Variants in ABLIM2 observed in about 807,000 individuals in gnomAD.
ABLIM2 encodes the protein actin binding LIM protein family member 2.
ABLIM2 carries 53 observed loss-of-function variants against 97.7 expected under a neutral mutation model. The ratio of observed to expected loss-of-function variants is 0.54; its 90% CI spans 0.44 to 0.68. The LOEUF (loss-of-function observed/expected upper bound fraction) is 0.68, where lower values mean the gene tolerates loss of function less well. Among genes scored for constraint, ABLIM2 ranks in the 30% least tolerant of loss-of-function variants. ABLIM2 has a pLI of 0.00. For missense variants in ABLIM2, 835 were observed against 867.2 expected (o/e 0.96, Z 0.47); for synonymous variants, 361 against 345.8 (o/e 1.04, Z -0.49).
chr4:8,000,491 G>A (rs1366313382), intron 16 of ABLIM2, among the ~76,000 whole-genome samples: 3 of 151,820 alleles, frequency 2.0e-5, no homozygotes, highest in Admixed American at 6.6e-5. Flanking sequence ...GTGGACTAGC[G>A]CCCGCATGCA....
At chr4:8,133,574 A>C (rs1407556170) in intron 1 of ABLIM2, among the ~76,000 whole-genome samples, 1 of 152,112 alleles carries the variant, frequency 6.6e-6, no homozygotes, top group Non-Finnish European at 1.5e-5. Flanking sequence ...CCAGGTTGAG[A>C]GCAAACCCCT....
intron 1 of ABLIM2, among the ~76,000 whole-genome samples, chr4:8,136,797 C>T (rs2152938816): frequency 6.6e-6 from 1 of 152,378 alleles, no homozygotes; most frequent in East Asian, 1.9e-4. Context: ...GCCTCGGGTC[C>T]AGCTGCAACC....
Position 8,095,044 on chromosome 4 carries a change from C to T in ABLIM2, c.338+2055G>A, listed in dbSNP as rs1830791709. Among the ~76,000 whole-genome samples the T allele has an allele frequency of 7.4e-6, 1 of 134,712 alleles. No homozygotes were observed. Among genetic ancestry groups the T allele is most frequent in the African/African-American group, 2.7e-5 (1 of 37,732 alleles). 88.4% of individuals were successfully genotyped at this position (134,712 alleles called of 152,430 possible). On this transcript the variant is annotated intron_variant, in intron 3 of 20. Transcript: ENST00000447017. The surrounding 1 kb of genome is among the most constrained non-coding windows in gnomAD (Gnocchi z 4.7). ...TCTCCCCCCACTTCTTTCCTTCCTT[C>T]CTTCTTTCTTTCTTTCTCTTTCTTT...
chr4:8,000,481 G>T (rs1449599653), intron 16 of ABLIM2, among the ~76,000 whole-genome samples: 4 of 152,116 alleles, frequency 2.6e-5, no homozygotes, highest in Non-Finnish European at 5.9e-5. Flanking sequence ...TGAATCATGG[G>T]TGGACTAGCG....
chr4:8,144,193 C>G (rs9996087), intron 1 of ABLIM2, among the ~76,000 whole-genome samples: 36,467 of 152,174 alleles, frequency 0.24, 5,933 homozygotes, highest in African/African-American at 0.46. Context: ...AGAGCCTCAG[C>G]GGGGAAGCAG....
chr4:8,130,864 T>A lies in ABLIM2; in HGVS notation c.11-24227A>T, dbSNP rs1314505583. 6.6e-6 allele frequency among the ~76,000 whole-genome samples: 1 copy of A among 152,180 alleles called. No homozygotes were observed. ...GGCTCTAGGGCAGGCTGTCCTTGCCTTGCCTGGCTGCTGGGGCGGCCTGCA... is the reference window on the plus strand; with the variant it reads ...GGCTCTAGGGCAGGCTGTCCTTGCCATGCCTGGCTGCTGGGGCGGCCTGCA... On this transcript the variant is annotated intron_variant, in intron 1 of 20. Coordinates refer to ENST00000447017, the MANE Select transcript of ABLIM2 (RefSeq NM_001130083.2). The surrounding 1 kb of genome is among the most constrained non-coding windows in gnomAD (Gnocchi z 4.2).
At chr4:8,152,291 C>T (rs1398619942) in intron 1 of ABLIM2, among the ~76,000 whole-genome samples, 2 of 152,238 alleles carry the variant, frequency 1.3e-5, no homozygotes, top group African/African-American at 2.4e-5. Context: ...CTGAGTCGGG[C>T]ACACTGGGGT....
At chr4:8,027,660 G>T in intron 12 of ABLIM2, 99 bp downstream of exon 12, 1 of 941,126 alleles carries the variant, frequency 1.1e-6, no homozygotes, top group Non-Finnish European at 1.5e-6. Context: ...TGAAACAGGG[G>T]CTCCGGTGAA....
At position 7,998,892 on chromosome 4, in the gene ABLIM2, T is replaced by C. The variant is rs760728266; in HGVS notation, c.1619-5965A>G. Reference sequence around the variant, plus strand: ...AACCGTCTGCCGTATCATTTGCAGGTCCGTTTAGCTGTATGTAGCAGAGAA... The same window carrying C: ...AACCGTCTGCCGTATCATTTGCAGGCCCGTTTAGCTGTATGTAGCAGAGAA... On this transcript the variant is annotated intron_variant, in intron 16 of 20. Coordinates refer to ENST00000447017, the MANE Select transcript of ABLIM2 (RefSeq NM_001130083.2). The surrounding 1 kb of genome is among the most constrained non-coding windows in gnomAD (Gnocchi z 6.4). Among the ~76,000 whole-genome samples, 3 of 151,982 alleles carry C rather than the reference T, an allele frequency of 2.0e-5. No homozygotes were observed. Among genetic ancestry groups the C allele is most frequent in the Non-Finnish European group, 4.4e-5 (3 of 68,006 alleles).
intron 20 of ABLIM2, among the ~76,000 whole-genome samples, chr4:7,978,258 T>C (rs1239271808): frequency 6.6e-6 from 1 of 152,080 alleles, no homozygotes; most frequent in Non-Finnish European, 1.5e-5. Context: ...TCCCCATATG[T>C]AGTAACATTT....
intron 12 of ABLIM2, among the ~76,000 whole-genome samples, chr4:8,024,883 C>G (rs1197734505): frequency 3.9e-5 from 6 of 152,186 alleles, no homozygotes; most frequent in Non-Finnish European, 7.3e-5. Flanking sequence ...CAGGCTCCCC[C>G]ACACCAGACA....
Position 8,113,434 on chromosome 4 carries a change from G to A in ABLIM2, c.11-6797C>T, listed in dbSNP as rs896525432. ...CTGTTTATTTCCGATCTGTGCCCAC[G>A]GATCTATATTTAGTTCCACCCTTCT... is the stretch of plus-strand genomic sequence containing the variant. On this transcript the variant is annotated intron_variant, in intron 1 of 20. Transcript: ENST00000447017. This position sits in a 1 kb window ranked among gnomAD's most constrained non-coding sequence, Gnocchi z 4.5. Among the ~76,000 whole-genome samples the A allele has an allele frequency of 1.3e-5, 2 of 152,180 alleles. No homozygotes were observed. The highest frequency in any genetic ancestry group is 4.8e-5 in the African/African-American group (2 of 41,418).
intron 16 of ABLIM2, chr4:8,007,226 C>T (rs2150378333): frequency 2.0e-6 from 2 of 985,470 alleles, no homozygotes; most frequent in South Asian, 9.4e-5. Flanking sequence ...ATGCCACACA[C>T]ATACCCAGTT....
In ABLIM2 at chr4:8,083,464, C is replaced by T. The variant is rs1007299095; in HGVS notation, c.455-2662G>A. Among the ~76,000 whole-genome samples the T allele has an allele frequency of 2.0e-5, 3 of 152,170 alleles. No individual in the cohort carries two copies. Among genetic ancestry groups the T allele is most frequent in the Non-Finnish European group, 4.4e-5 (3 of 68,030 alleles). On this transcript the variant is annotated intron_variant, in intron 4 of 20. Transcript: ENST00000447017. The surrounding 1 kb of genome is among the most constrained non-coding windows in gnomAD (Gnocchi z 4.6). ...GCATCTCCGCCACTCTGCCTCCTAC[C>T]ATATTGGCCGGCGCCCTCCCCTGCC...
intron 6 of ABLIM2, among the ~76,000 whole-genome samples, chr4:8,074,672 A>G (rs914263644): frequency 6.6e-6 from 1 of 152,232 alleles, no homozygotes; most frequent in Non-Finnish European, 1.5e-5. Flanking sequence ...TAGAAATGCA[A>G]ACAAAGCATT....
chr4:8,056,661 T>G (rs1479872535), intron 7 of ABLIM2, among the ~76,000 whole-genome samples: 2 of 151,682 alleles, frequency 1.3e-5, no homozygotes, highest in East Asian at 2.0e-4. Flanking sequence ...GGCCGGGTGC[T>G]GTGGCTCACA....
chr4:8,077,725 C>T lies in ABLIM2; in HGVS notation c.582-4G>A. 6.2e-7 allele frequency: 1 copy of T among 1,609,788 alleles called. No homozygotes were observed. The highest frequency in any genetic ancestry group is 8.5e-7 in the Non-Finnish European group (1 of 1,177,698). ...TTCGCAGTAGGGCAGCCCATCCCTG[C>T]AATGAGACAGGCAGTCAACACAGGG... On this transcript the variant is annotated splice_region_variant and splice_polypyrimidine_tract_variant and intron_variant, in intron 5 of 20. Transcript: ENST00000447017.
rs898814239 is a variant in ABLIM2 at position 7,970,386 on chromosome 4, G to C, written c.1825-3283C>G. On this transcript the variant is annotated intron_variant, in intron 20 of 20. Coordinates refer to ENST00000447017, the MANE Select transcript of ABLIM2 (RefSeq NM_001130083.2). The surrounding 1 kb of genome is among the most constrained non-coding windows in gnomAD (Gnocchi z 5.3). Reference sequence around the variant, plus strand: ...GGGGGTGGTGTGCCCCCTGCCATCTGCAATCGTGTACTTAAAGGGAGGAGG... The same window carrying C: ...GGGGGTGGTGTGCCCCCTGCCATCTCCAATCGTGTACTTAAAGGGAGGAGG... Among the ~76,000 whole-genome samples the C allele has an allele frequency of 1.3e-5, 2 of 152,090 alleles. No homozygotes were observed. The highest frequency in any genetic ancestry group is 2.9e-5 in the Non-Finnish European group (2 of 68,024).
rs1310186801 is a variant in ABLIM2 at position 8,122,405 on chromosome 4, C to T, written c.11-15768G>A. Among the ~76,000 whole-genome samples, 1 of 152,230 alleles carries T rather than the reference C, an allele frequency of 6.6e-6. No individual in the cohort carries two copies. The highest frequency in any genetic ancestry group is 2.4e-5 in the African/African-American group (1 of 41,464). ...GCTTAAAAGACTGACACTTATCTCC[C>T]ACAGTTCTGGAGCCTAAGAGTCTGA... is the stretch of plus-strand genomic sequence containing the variant. On this transcript the variant is annotated intron_variant, in intron 1 of 20. Coordinates refer to ENST00000447017, the MANE Select transcript of ABLIM2 (RefSeq NM_001130083.2). The surrounding 1 kb of genome is among the most constrained non-coding windows in gnomAD (Gnocchi z 4.1).
Sources: allele counts gnomAD v4.1 joint callset (sites outside exome capture counted in the v4.1 genomes callset), GRCh38; gene constraint gnomAD v4.1.1; non-coding constraint Gnocchi (gnomAD v3.1); transcripts MANE v1.5; gene names NCBI Gene and HGNC (gene_info 2026-07-23, HGNC 2026-07-21).